The following ZNF644 variants were observed in gnomAD, a reference collection of about 807,000 sequenced individuals.
ZNF644 encodes zinc finger protein 644, also known as zinc finger motif enhancer binding protein 2.
ZNF644 carries 20 observed loss-of-function variants against 108.0 expected under a neutral mutation model. That is an observed-to-expected ratio of 0.19 (90% CI 0.13 to 0.27). The LOEUF (loss-of-function observed/expected upper bound fraction) is 0.27. Ranked by LOEUF, ZNF644 falls within the 10% of genes least tolerant of loss-of-function variation. The pLI is 1.00. For missense variants in ZNF644, 1,338 were observed against 1,548.9 expected (o/e 0.86, Z 2.29); for synonymous variants, 542 against 539.1 (o/e 1.01, Z -0.08).
chr1:91,004,395 G>T (rs936471328), intron 1 of ZNF644, among the ~76,000 whole-genome samples: 2 of 152,162 alleles, frequency 1.3e-5, no homozygotes, highest in Admixed American at 6.5e-5. Flanking sequence ...AGGCCGGATG[G>T]CAATGGTGTC....
intron 1 of ZNF644, among the ~76,000 whole-genome samples, chr1:91,016,276 A>G (rs1413397948): frequency 6.6e-6 from 1 of 152,220 alleles, no homozygotes; most frequent in Non-Finnish European, 1.5e-5. Flanking sequence ...CTAGTTTTAC[A>G]GTCATACATC....
chr1:91,000,396 G>A (rs531372124), intron 1 of ZNF644, among the ~76,000 whole-genome samples: 3 of 152,132 alleles, frequency 2.0e-5, no homozygotes, highest in South Asian at 2.1e-4. Context: ...ACTCAAAACC[G>A]CTCAACTACA....
chr1:90,919,113 C>G (rs1435240582), intron 4 of ZNF644, among the ~76,000 whole-genome samples: 1 of 151,936 alleles, frequency 6.6e-6, no homozygotes, highest in Non-Finnish European at 1.5e-5. Context: ...TTATAGGTAG[C>G]AATAGATAGC....
chr1:90,937,365 A>G (rs1557562804), intron 4 of ZNF644, 120 bp downstream of exon 4: 1 of 1,453,082 alleles, frequency 6.9e-7, no homozygotes, highest in Non-Finnish European at 9.5e-7. Context: ...CTCTGTAAAA[A>G]AAAAAAGCAG....
At chr1:91,010,084 T>C (rs1161839077) in intron 1 of ZNF644, among the ~76,000 whole-genome samples, 2 of 152,162 alleles carry the variant, frequency 1.3e-5, no homozygotes, top group East Asian at 3.8e-4. Flanking sequence ...TATTCAATGA[T>C]CTTCAGTAGA....
At chr1:90,932,552 A>G (rs1396137652) in intron 4 of ZNF644, among the ~76,000 whole-genome samples, 1 of 152,220 alleles carries the variant, frequency 6.6e-6, no homozygotes, top group African/African-American at 2.4e-5. Context: ...TGAATCACTT[A>G]TAATAACCAA....
rs1029335187 is a variant in ZNF644 at position 91,002,242 on chromosome 1, C to T, written c.-18+19748G>A. On this transcript the variant is annotated intron_variant, in intron 1 of 5. Transcript: ENST00000337393. ...CCAAGTCAATCCTAAGCCAACAGAACAAAGCTGGAGGCATCACGCTACCTG... is the reference window on the plus strand; with the variant it reads ...CCAAGTCAATCCTAAGCCAACAGAATAAAGCTGGAGGCATCACGCTACCTG... Among the ~76,000 whole-genome samples the T allele has an allele frequency of 2.6e-5, 4 of 152,274 alleles. No homozygotes were observed. The East Asian group carries it at 7.7e-4, about 29-fold the overall frequency.
In ZNF644 at chr1:90,939,104, GATC is replaced by G. The variant is rs1557568450; in HGVS notation, c.2247_2249del (p.Met749del). 1 of 1,613,820 alleles carries G rather than the reference GATC, an allele frequency of 6.2e-7. No individual in the cohort carries two copies. Among genetic ancestry groups the G allele is most frequent in the South Asian group, 1.1e-5 (1 of 91,054 alleles). Reference sequence around the variant, plus strand: ...CAGGATATGATTCACCTGATTTTTTGATCATCCTATAGTTTTCATATTTGTGTC... The same window carrying G: ...CAGGATATGATTCACCTGATTTTTTGATCCTATAGTTTTCATATTTGTGTC... On this transcript the variant is annotated inframe_deletion, in exon 3 of 6. Transcript: ENST00000337393.
At chr1:90,930,014 C>T (rs929676398) in intron 4 of ZNF644, among the ~76,000 whole-genome samples, 2 of 152,190 alleles carry the variant, frequency 1.3e-5, no homozygotes, top group Non-Finnish European at 2.9e-5. Flanking sequence ...GGGCTGGGTG[C>T]AGTGGCTCAC....
intron 1 of ZNF644, 118 bp from the exon 2 acceptor site, chr1:90,982,488 T>C (rs570630372): frequency 5.7e-6 from 4 of 701,754 alleles, no homozygotes; most frequent in East Asian, 2.7e-5. Context: ...TATTTCTTGA[T>C]ATAACATAAA....
intron 1 of ZNF644, among the ~76,000 whole-genome samples, chr1:91,012,032 T>C (rs1660000271): frequency 6.6e-6 from 1 of 151,988 alleles, no homozygotes; most frequent in Admixed American, 6.6e-5. Flanking sequence ...CTAAACAAAA[T>C]ATCAAGTCAT....
chr1:91,014,704 T>C (rs1005562521), intron 1 of ZNF644, among the ~76,000 whole-genome samples: 30 of 152,146 alleles, frequency 2.0e-4, no homozygotes, highest in African/African-American at 5.1e-4. Context: ...CTTTATATGG[T>C]GGTATGAATA....
rs1236125612 is a variant in ZNF644, at chr1:90,939,146, G to C, written c.2208C>G (p.Ser736Arg). The C allele has an allele frequency of 7.4e-6, 12 of 1,613,710 alleles. No individual in the cohort carries two copies. Among genetic ancestry groups the C allele is most frequent in the Non-Finnish European group, 9.3e-6 (11 of 1,179,896 alleles). Reference protein sequence around the residue: ...AKEKSNAKANSHYLYRHKYEN... With the variant: ...AKEKSNAKANRHYLYRHKYEN... ...CATATTTGTGTCTATACAAATAGTG[G>C]CTATTTGCCTTGGCATTAGACTTTT... Residue 736 changes from serine to arginine, a missense_variant, in exon 3 of 6, where the codon AGC (serine) becomes AGG (arginine). By Grantham distance (110) the Ser-to-Arg change is moderately radical (BLOSUM62 -1). Transcript: ENST00000337393.
At chr1:90,928,313 G>A (rs1226606150) in intron 4 of ZNF644, among the ~76,000 whole-genome samples, 1 of 120,222 alleles carries the variant, frequency 8.3e-6, no homozygotes, top group African/African-American at 3.2e-5. Context: ...CCACCACACT[G>A]GGCTGATTTT....
intron 1 of ZNF644, among the ~76,000 whole-genome samples, chr1:90,988,598 AAC>A (rs199995006): frequency 1.3e-5 from 2 of 152,222 alleles, no homozygotes; most frequent in East Asian, 3.8e-4. Flanking sequence ...GAAAAAGAAC[AAC>A]AAAGTTGGAG....
intron 2 of ZNF644, among the ~76,000 whole-genome samples, chr1:90,956,928 GAGA>G (rs1288712391): frequency 1.3e-5 from 2 of 152,062 alleles, no homozygotes; most frequent in Non-Finnish European, 2.9e-5. Flanking sequence ...CAACAAAAGA[GAGA>G]AGAACACAAG....
chr1:90,930,428 CAA>C (rs1220579104), intron 4 of ZNF644, among the ~76,000 whole-genome samples: 2 of 152,092 alleles, frequency 1.3e-5, no homozygotes, highest in Non-Finnish European at 2.9e-5. Context: ...ATTTGATTTA[CAA>C]AAGTGATCTA....
chr1:91,000,184 G>A (rs545226308), intron 1 of ZNF644, among the ~76,000 whole-genome samples: 16 of 152,130 alleles, frequency 1.1e-4, no homozygotes, highest in South Asian at 8.3e-4. Flanking sequence ...TGCATCAAGC[G>A]GACCTAACAG....
intron 1 of ZNF644, among the ~76,000 whole-genome samples, chr1:90,999,921 A>G (rs1570549063): frequency 6.6e-6 from 1 of 152,346 alleles, no homozygotes; most frequent in Middle Eastern, 3.4e-3. Context: ...TAAACCAACA[A>G]AGATCCAAAG....
Sources: allele counts gnomAD v4.1 joint callset (sites outside exome capture counted in the v4.1 genomes callset), GRCh38; gene constraint gnomAD v4.1.1; transcripts MANE v1.5; gene names NCBI Gene and HGNC (gene_info 2026-07-23, HGNC 2026-07-21).